CALN1: variants seen among roughly 807,000 people sequenced by gnomAD.
CALN1 encodes calcium-binding protein 8.
CALN1 carries 17 observed loss-of-function variants against 30.6 expected under a neutral mutation model. The ratio of observed to expected loss-of-function variants is 0.56; its 90% CI spans 0.38 to 0.83. The LOEUF is 0.83. Ranked by LOEUF, CALN1 falls within the 40% of genes least tolerant of loss-of-function variation. The probability of loss-of-function intolerance (pLI) is 0.00; values close to 1 mark genes in which losing one functional copy is unlikely to be tolerated. For synonymous variants in CALN1, 156 were observed against 131.4 expected (o/e 1.19, Z -1.28); for missense variants, 291 against 354.9 (o/e 0.82, Z 1.45).
Position 71,994,526 on chromosome 7 carries a change from A to C in CALN1, c.501+29131T>G, listed in dbSNP as rs1258331777. On this transcript the variant is annotated intron_variant, in intron 5 of 6. Coordinates refer to ENST00000395275, the MANE Select transcript of CALN1 (RefSeq NM_031468.4). ...GACTTCATCTCAAAAAAAAAAAAAA[A>C]AAAAAAACAGTGATAGTAAAATTGA... Among the ~76,000 whole-genome samples, 8 of 151,896 alleles carry C rather than the reference A, an allele frequency of 5.3e-5. 1 individual carries two copies. The highest frequency in any genetic ancestry group is 7.4e-5 in the Non-Finnish European group (5 of 67,984).
intron 3 of CALN1, among the ~76,000 whole-genome samples, chr7:72,172,452 C>T (rs1452202700): frequency 6.6e-6 from 1 of 152,032 alleles, no homozygotes; most frequent in African/African-American, 2.4e-5. Context: ...GTGAAATGGA[C>T]CAAAAAGCAG....
chr7:72,026,272 G>C (rs749324808), intron 4 of CALN1, among the ~76,000 whole-genome samples: 6 of 152,036 alleles, frequency 3.9e-5, no homozygotes, highest in Non-Finnish European at 8.8e-5. Flanking sequence ...GTTTCCTTTG[G>C]ATCTAACAAT....
intron 5 of CALN1, among the ~76,000 whole-genome samples, chr7:71,893,364 T>A (rs964696875): frequency 1.6e-4 from 25 of 152,092 alleles, no homozygotes; most frequent in African/African-American, 4.8e-4. Flanking sequence ...AAACCCTATT[T>A]TAAACTGAAG....
chr7:72,142,091 G>T (rs1261488144), intron 3 of CALN1, among the ~76,000 whole-genome samples: 2 of 152,286 alleles, frequency 1.3e-5, no homozygotes, highest in East Asian at 3.9e-4. Context: ...TGAGGTACCG[G>T]GTTCATCTCA....
intron 3 of CALN1, among the ~76,000 whole-genome samples, chr7:72,110,219 G>A (rs758796199): frequency 3.3e-5 from 5 of 152,178 alleles, no homozygotes; most frequent in Non-Finnish European, 7.4e-5. Context: ...TCCTTACATT[G>A]GGCGACACCC....
At chr7:72,182,562 A>G (rs1420128990) in intron 3 of CALN1, among the ~76,000 whole-genome samples, 5 of 152,172 alleles carry the variant, frequency 3.3e-5, no homozygotes, top group Admixed American at 3.3e-4. Context: ...TCTACAAAAA[A>G]TACAAAAATT....
intron 2 of CALN1, among the ~76,000 whole-genome samples, chr7:72,317,814 G>A (rs1800590460): frequency 6.6e-6 from 1 of 152,104 alleles, no homozygotes; most frequent in African/African-American, 2.4e-5. Context: ...CCCCAGAATT[G>A]GAGGCTCCAG....
At chr7:71,851,459 CAG>C (rs1790642549) in intron 5 of CALN1, among the ~76,000 whole-genome samples, 1 of 151,790 alleles carries the variant, frequency 6.6e-6, no homozygotes, top group Admixed American at 6.6e-5. Flanking sequence ...GCGGAGGTTG[CAG>C]TGAGCTTTGA....
In CALN1 at chr7:72,245,147, T is replaced by C. The variant is rs577417740; in HGVS notation, c.244+33539A>G. The stretch of plus-strand genomic sequence containing the variant: ...AACAATCCCCGCTGGAGGTGCTATG[T>C]AGGGTTTTCCCTCCTCCCTCTGAAC... On this transcript the variant is annotated intron_variant, in intron 3 of 6. Transcript: ENST00000395275. 8.5e-5 allele frequency among the ~76,000 whole-genome samples: 13 copies of C among 152,292 alleles called. No individual in the cohort carries two copies. The East Asian group carries it at 2.3e-3, about 27-fold the overall frequency.
At position 72,248,877 on chromosome 7, in the gene CALN1, A is replaced by C. The variant is rs1339565454; in HGVS notation, c.244+29809T>G. Among the ~76,000 whole-genome samples the C allele has an allele frequency of 2.6e-5, 4 of 152,142 alleles. No individual in the cohort carries two copies. In the East Asian group the frequency reaches 7.7e-4, roughly 29 times the overall value. ...CATTTTGAGAATCAGGATAGTCTATAATCGATCATGTTTTGTTGCTATGGG... is the reference window on the plus strand; with the variant it reads ...CATTTTGAGAATCAGGATAGTCTATCATCGATCATGTTTTGTTGCTATGGG... On this transcript the variant is annotated intron_variant, in intron 3 of 6. Coordinates refer to ENST00000395275, the MANE Select transcript of CALN1 (RefSeq NM_031468.4).
At chr7:71,868,440 C>T (rs1477333910) in intron 5 of CALN1, among the ~76,000 whole-genome samples, 6 of 150,240 alleles carry the variant, frequency 4.0e-5, no homozygotes, top group Admixed American at 6.7e-5. Context: ...GGCACTATCT[C>T]GGCCCACTGC....
At chr7:72,047,196 G>A (rs1802525240) in intron 4 of CALN1, among the ~76,000 whole-genome samples, 2 of 152,178 alleles carry the variant, frequency 1.3e-5, no homozygotes, top group Admixed American at 1.3e-4. Flanking sequence ...AGAGACAGAA[G>A]AAAGGTTAAG....
At chr7:72,340,906 T>C (rs373389382) in intron 2 of CALN1, among the ~76,000 whole-genome samples, 1 of 152,202 alleles carries the variant, frequency 6.6e-6, no homozygotes, top group Non-Finnish European at 1.5e-5. Flanking sequence ...CCATGTGAGA[T>C]GTGTCTGTGC....
intron 3 of CALN1, among the ~76,000 whole-genome samples, chr7:72,123,167 C>T (rs1437216418): frequency 1.3e-5 from 2 of 152,214 alleles, no homozygotes; most frequent in Non-Finnish European, 2.9e-5. Context: ...TCCTAATTCA[C>T]TCATTTTGTA....
At chr7:72,062,585 T>C (rs902109655) in intron 4 of CALN1, among the ~76,000 whole-genome samples, 2 of 141,684 alleles carry the variant, frequency 1.4e-5, no homozygotes, top group Admixed American at 7.0e-5. Context: ...ACATAAGAAA[T>C]GCCAAATATA....
At chr7:72,299,427 A>G (rs1799093674) in intron 2 of CALN1, among the ~76,000 whole-genome samples, 1 of 146,924 alleles carries the variant, frequency 6.8e-6, no homozygotes, top group Non-Finnish European at 1.5e-5. Flanking sequence ...AGTGAAATAC[A>G]TGTAAATATT....
intron 3 of CALN1, among the ~76,000 whole-genome samples, chr7:72,150,872 T>TATGATGATGATGATGATGATGATG (rs139046404): frequency 3.3e-5 from 5 of 150,424 alleles, no homozygotes; most frequent in Non-Finnish European, 7.4e-5. Flanking sequence ...GCTGTGATGA[T>TATGATGATGATGATGATGATGATG]ATGATGATGA....
chr7:72,032,052 C>CT (rs1184047697), intron 4 of CALN1, among the ~76,000 whole-genome samples: 7,551 of 66,392 alleles, frequency 0.11, 1,211 homozygotes, highest in Middle Eastern at 0.2. Context: ...TGGCTCCTGG[C>CT]TTTTTTTTTT....
chr7:72,334,616 C>T (rs1386610972), intron 2 of CALN1, among the ~76,000 whole-genome samples: 2 of 152,050 alleles, frequency 1.3e-5, no homozygotes, highest in African/African-American at 4.8e-5. Flanking sequence ...AAATTATTTT[C>T]GTTCTAAAAA....
Sources: allele counts gnomAD v4.1 joint callset (sites outside exome capture counted in the v4.1 genomes callset), GRCh38; gene constraint gnomAD v4.1.1; transcripts MANE v1.5; gene names NCBI Gene and HGNC (gene_info 2026-07-23, HGNC 2026-07-21).